The following LMNA variants were observed in gnomAD, a reference collection of about 807,000 sequenced individuals.
LMNA encodes the protein lamin.
Under a neutral mutation model 70.4 loss-of-function variants are expected in LMNA, and 20 were observed. The ratio of observed to expected loss-of-function variants is 0.28; its 90% CI spans 0.20 to 0.41. The LOEUF (loss-of-function observed/expected upper bound fraction) is 0.41. Among genes scored for constraint, LMNA ranks in the 10% least tolerant of loss-of-function variants. The pLI is 1.00. For missense variants in LMNA, 652 were observed against 917.2 expected, an observed-to-expected ratio of 0.71 and a Z score of 3.73; for synonymous variants, 339 against 372.8, an observed-to-expected ratio of 0.91 and a Z score of 1.04.
At chr1:156,095,508 C>CTTTT (rs59065867) in intron 3 of LMNA, among the ~76,000 whole-genome samples, 11 of 144,378 alleles carry the variant, frequency 7.6e-5, no homozygotes, top group African/African-American at 2.8e-4. Flanking sequence ...CCAGCTAATG[C>CTTTT]TTTTTTTTTT....
At chr1:156,107,144 G>A (rs1649378996) in intron 3 of LMNA, among the ~76,000 whole-genome samples, 1 of 152,214 alleles carries the variant, frequency 6.6e-6, no homozygotes, top group Admixed American at 6.5e-5. Flanking sequence ...GCACCTCAAA[G>A]AAATTTGAGA....
At chr1:156,132,822 C>CCT (rs201479816) in intron 2 of LMNA, among the ~76,000 whole-genome samples, 7 of 147,444 alleles carry the variant, frequency 4.7e-5, no homozygotes, top group African/African-American at 1.0e-4. Context: ...GCCATGTTCT[C>CCT]CTCTCTCTCT....
At chr1:156,096,194 C>T (rs1489509556) in intron 3 of LMNA, among the ~76,000 whole-genome samples, 2 of 152,216 alleles carry the variant, frequency 1.3e-5, no homozygotes, top group Non-Finnish European at 2.9e-5. Flanking sequence ...CCTCTGTCTA[C>T]ACAGCCAGGG....
At position 156,135,378 on chromosome 1, in the gene LMNA, C is replaced by T. The variant is rs17847241; in HGVS notation, c.936+66C>T. 3.1e-3 allele frequency: 4,749 copies of T among 1,513,190 alleles called. 164 individuals carry two copies. Among genetic ancestry groups the T allele is most frequent in the East Asian group, 7.8e-3 (311 of 39,770 alleles). 93.7% of individuals were successfully genotyped at this position (1,513,190 alleles called of 1,614,324 possible). On this transcript the variant is annotated intron_variant, in intron 5 of 11. Transcript: ENST00000368300. This position sits in a 1 kb window ranked among gnomAD's most constrained non-coding sequence, Gnocchi z 4.8. ...CTGGGCCGGATGCAGGCTGGAAGCC[C>T]AGGGTTGGGGGTGGGGGTGGGGGTG...
chr1:156,084,796 A>G (rs1289514899), intron 2 of LMNA, among the ~76,000 whole-genome samples: 1 of 152,162 alleles, frequency 6.6e-6, no homozygotes, highest in African/African-American at 2.4e-5. Context: ...CTGAAATGAG[A>G]TTCCCCCCAG....
chr1:156,089,318 T>C (rs1648602328), intron 2 of LMNA, among the ~76,000 whole-genome samples: 1 of 151,212 alleles, frequency 6.6e-6, no homozygotes, highest in South Asian at 2.1e-4. Flanking sequence ...ATTTTTGAGA[T>C]GAAGTCTTGC....
At position 156,090,060 on chromosome 1, in the gene LMNA, G is replaced by A. The variant is rs569131755; in HGVS notation, c.-318-411G>A. Among the ~76,000 whole-genome samples the A allele has an allele frequency of 2.2e-4, 33 of 152,328 alleles. 1 individual carries two copies. In the South Asian group the frequency reaches 6.6e-3, roughly 31 times the overall value. ...CTGGATGCTGTCTTGGGGCAGGGAG[G>A]GGGAGGCAGTAAACATGTCCTTCCT... is the stretch of plus-strand genomic sequence containing the variant. On this transcript the variant is annotated intron_variant, in intron 2 of 12. Transcript: ENST00000368301.
At chr1:156,114,474 T>C (rs937218004), upstream of LMNA, among the ~76,000 whole-genome samples, 1 of 152,160 alleles carries the variant, frequency 6.6e-6, no homozygotes, top group Non-Finnish European at 1.5e-5. Flanking sequence ...GGGGCAAGCT[T>C]GGAGCCGACA....
chr1:156,095,558 G>T (rs577317631), intron 3 of LMNA, among the ~76,000 whole-genome samples: 23 of 148,198 alleles, frequency 1.6e-4, no homozygotes, highest in African/African-American at 5.7e-4. Flanking sequence ...GGTTTCACCA[G>T]GTTGGGCAGG....
rs538343158 is a variant in LMNA at position 156,086,930 on chromosome 1, C to T, written c.-318-3541C>T. Among the ~76,000 whole-genome samples the T allele has an allele frequency of 1.7e-4, 26 of 152,290 alleles. No individual in the cohort carries two copies. In the South Asian group the frequency reaches 2.1e-3, roughly 12 times the overall value. ...TACTGGGATTACAGGCGTGAGCCAC[C>T]GCGCCCGGCCAGGAATTATATCCCT... is the stretch of plus-strand genomic sequence containing the variant. On this transcript the variant is annotated intron_variant, in intron 2 of 12. Transcript: ENST00000368301.
chr1:156,134,334 C>T lies in LMNA; in HGVS notation c.514-69C>T, dbSNP rs756138828. 4 of 1,575,480 alleles carry T rather than the reference C, an allele frequency of 2.5e-6. No individual in the cohort carries two copies. The highest frequency in any genetic ancestry group is 3.5e-6 in the Non-Finnish European group (4 of 1,153,706). ...GAAGGGGTGCACAGGCAGCAGCCCACCTCTCAGCTTCCTTCCAGTTCTTGT... is the reference window on the plus strand; with the variant it reads ...GAAGGGGTGCACAGGCAGCAGCCCATCTCTCAGCTTCCTTCCAGTTCTTGT... On this transcript the variant is annotated intron_variant, in intron 2 of 11. Coordinates refer to ENST00000368300, the MANE Select transcript of LMNA (RefSeq NM_170707.4). This position sits in a 1 kb window ranked among gnomAD's most constrained non-coding sequence, Gnocchi z 5.3.
intron 1 of LMNA, among the ~76,000 whole-genome samples, chr1:156,118,385 A>G (rs1173405980): frequency 2.0e-5 from 3 of 152,188 alleles, no homozygotes; most frequent in Non-Finnish European, 4.4e-5. Context: ...GCAGCTGTCC[A>G]GGCCTGGGAC....
At chr1:156,098,283 A>G (rs1431846342) in intron 3 of LMNA, among the ~76,000 whole-genome samples, 2 of 152,146 alleles carry the variant, frequency 1.3e-5, no homozygotes, top group African/African-American at 4.8e-5. Flanking sequence ...AAGGGGAGCA[A>G]TTTTTCTGAG....
intron 2 of LMNA, chr1:156,083,307 GA>G: frequency 6.5e-6 from 1 of 153,120 alleles, no homozygotes; most frequent in Non-Finnish European, 1.5e-5. Flanking sequence ...GGGCAGGCAG[GA>G]AAAGTCTTAA....
At chr1:156,113,061 G>C (rs1161421445), upstream of LMNA, among the ~76,000 whole-genome samples, 1 of 152,052 alleles carries the variant, frequency 6.6e-6, no homozygotes, top group African/African-American at 2.4e-5. Flanking sequence ...TTGGGAAGCT[G>C]AGGCAGGCAG....
intron 1 of LMNA, chr1:156,126,773 C>A (rs1174021302): frequency 6.3e-7 from 1 of 1,591,646 alleles, no homozygotes; most frequent in East Asian, 2.3e-5. Flanking sequence ...ACAGGATGCC[C>A]AGCCCTTCTC....
chr1:156,136,131 G>A lies in LMNA; in HGVS notation c.1157+10G>A. On this transcript the variant is annotated intron_variant, in intron 6 of 11. Coordinates refer to ENST00000368300, the MANE Select transcript of LMNA (RefSeq NM_170707.4). This position sits in a 1 kb window ranked among gnomAD's most constrained non-coding sequence, Gnocchi z 6.1. Reference sequence around the variant, plus strand: ...AGGGCGAGGAGGAGAGGTGGGCTGGGGAGACGTCGGGGAGGTGCTGGCAGT... The same window carrying A: ...AGGGCGAGGAGGAGAGGTGGGCTGGAGAGACGTCGGGGAGGTGCTGGCAGT... 3 of 1,613,916 alleles carry A rather than the reference G, an allele frequency of 1.9e-6. No individual in the cohort carries two copies. The highest frequency in any genetic ancestry group is 1.1e-5 in the South Asian group (1 of 91,084).
rs888388689 is a variant in LMNA at position 156,138,318 on chromosome 1, C to T, written c.1699-170C>T. On this transcript the variant is annotated intron_variant, in intron 10 of 11. Coordinates refer to ENST00000368300, the MANE Select transcript of LMNA (RefSeq NM_170707.4). This position sits in a 1 kb window ranked among gnomAD's most constrained non-coding sequence, Gnocchi z 5.5. ...TCTCCCCTTTTATGTCTTCCCTCTC[C>T]TCCTCCGGGCCCCTAGCCTCCCAAA... is the stretch of plus-strand genomic sequence containing the variant. The T allele has an allele frequency of 6.1e-5, 40 of 657,444 alleles. No individual in the cohort carries two copies. Among genetic ancestry groups the T allele is most frequent in the African/African-American group, 3.5e-4 (19 of 55,066 alleles). 40.7% of individuals were successfully genotyped at this position (657,444 alleles called of 1,614,324 possible).
chr1:156,127,848 G>A (rs369708737), intron 1 of LMNA, among the ~76,000 whole-genome samples: 6 of 151,916 alleles, frequency 3.9e-5, no homozygotes, highest in African/African-American at 7.3e-5. Context: ...CACCTTGCCC[G>A]ACTAATTTTT....
Sources: allele counts gnomAD v4.1 joint callset (sites outside exome capture counted in the v4.1 genomes callset), GRCh38; gene constraint gnomAD v4.1.1; non-coding constraint Gnocchi (gnomAD v3.1); transcripts MANE v1.5; gene names NCBI Gene and HGNC (gene_info 2026-07-23, HGNC 2026-07-21).